Variants in RPSA2 observed in about 807,000 individuals in gnomAD.
RPSA2 encodes ribosomal protein SA 2.
At chr19:23,773,445 A>G in the RPSA2 span, among the ~76,000 whole-genome samples, 210 of 152,048 alleles carry the variant, frequency 1.4e-3, no homozygotes, top group Admixed American at 2.4e-3. Context: ...CACCATGCCC[A>G]GATAACTTTT....
the RPSA2 span, among the ~76,000 whole-genome samples, chr19:23,771,674 T>C: frequency 4.6e-5 from 7 of 152,160 alleles, no homozygotes; most frequent in African/African-American, 9.7e-5. Context: ...ATTGGACATA[T>C]CACTGTGAGT....
the RPSA2 span, among the ~76,000 whole-genome samples, chr19:23,856,502 AATC>A: frequency 2.0e-5 from 3 of 152,120 alleles, no homozygotes; most frequent in Non-Finnish European, 4.4e-5. Flanking sequence ...ACAACTCACC[AATC>A]ATCAGGGAGC....
the RPSA2 span, among the ~76,000 whole-genome samples, chr19:23,860,006 GA>G: frequency 2.6e-5 from 4 of 152,258 alleles, no homozygotes; most frequent in South Asian, 6.2e-4. Flanking sequence ...TTAAAAAAGG[GA>G]AAATGTATTC....
the RPSA2 span, among the ~76,000 whole-genome samples, chr19:23,839,777 A>G: frequency 6.6e-6 from 1 of 152,176 alleles, no homozygotes; most frequent in Non-Finnish European, 1.5e-5. Flanking sequence ...GCGAGCTCCC[A>G]GGGCCTCCCT....
At chr19:23,794,451 G>A in the RPSA2 span, among the ~76,000 whole-genome samples, 3 of 152,116 alleles carry the variant, frequency 2.0e-5, no homozygotes, top group Admixed American at 6.5e-5. Context: ...TTATTGATGA[G>A]CATTTTATTA....
chr19:23,761,670 C>T, the RPSA2 span, among the ~76,000 whole-genome samples: 2 of 151,902 alleles, frequency 1.3e-5, no homozygotes, highest in Non-Finnish European at 2.9e-5. Flanking sequence ...ATTTCCTCAC[C>T]CCTACCTCCA....
the RPSA2 span, among the ~76,000 whole-genome samples, chr19:23,862,788 A>G: frequency 6.6e-6 from 1 of 151,810 alleles, no homozygotes; most frequent in Non-Finnish European, 1.5e-5. Context: ...CTGGGGACAA[A>G]CTTAACAGTT....
chr19:23,847,254 A>C, the RPSA2 span, among the ~76,000 whole-genome samples: 1 of 146,666 alleles, frequency 6.8e-6, no homozygotes, highest in African/African-American at 2.5e-5. Flanking sequence ...CACATTTCTT[A>C]CTCATACTCT....
the RPSA2 span, chr19:23,819,403 A>C: frequency 2.6e-5 from 4 of 152,442 alleles, no homozygotes; most frequent in Admixed American, 2.6e-4. Context: ...TTGGGCTACC[A>C]GTTTCAGCCA....
At chr19:23,847,438 C>T in the RPSA2 span, among the ~76,000 whole-genome samples, 20 of 152,138 alleles carry the variant, frequency 1.3e-4, no homozygotes, top group Non-Finnish European at 2.1e-4. Context: ...GCTGGGCTGC[C>T]GGGGGTGACA....
chr19:23,782,347 TC>T, the RPSA2 span: 2 of 152,160 alleles, frequency 1.3e-5, no homozygotes, highest in South Asian at 2.1e-4. Context: ...TGATGTAACT[TC>T]TTTTGTTTTG....
the RPSA2 span, among the ~76,000 whole-genome samples, chr19:23,775,356 A>G: frequency 0.022 from 3,330 of 152,270 alleles, 131 homozygotes; most frequent in African/African-American, 0.076. Context: ...TTATAGGTAG[A>G]TGGCAACTCT....
the RPSA2 span, among the ~76,000 whole-genome samples, chr19:23,816,346 G>T: frequency 6.6e-6 from 1 of 152,048 alleles, no homozygotes; most frequent in East Asian, 1.9e-4. Context: ...ACACTGTCAA[G>T]GCTGTTCTCA....
chr19:23,870,910 C>A, the RPSA2 span, among the ~76,000 whole-genome samples: 1 of 152,188 alleles, frequency 6.6e-6, no homozygotes, highest in Non-Finnish European at 1.5e-5. Flanking sequence ...AAACTCACAT[C>A]TGCACCTGAC....
At chr19:23,826,511 T>A in the RPSA2 span, among the ~76,000 whole-genome samples, 1 of 152,034 alleles carries the variant, frequency 6.6e-6, no homozygotes, top group Non-Finnish European at 1.5e-5. Flanking sequence ...TTCTGTTTTA[T>A]AGCGTTTTGC....
chr19:23,837,530 G>C, the RPSA2 span, among the ~76,000 whole-genome samples: 558 of 152,152 alleles, frequency 3.7e-3, 4 homozygotes, highest in African/African-American at 0.013. Context: ...GGATTGTGTT[G>C]AATTTATTGA....
At chr19:23,803,157 C>CA in the RPSA2 span, among the ~76,000 whole-genome samples, 2 of 150,038 alleles carry the variant, frequency 1.3e-5, no homozygotes, top group Non-Finnish European at 3.0e-5. Flanking sequence ...CCCAGTGGCA[C>CA]AAAAAACAGA....
At chr19:23,857,596 T>G in the RPSA2 span, among the ~76,000 whole-genome samples, 1 of 149,564 alleles carries the variant, frequency 6.7e-6, no homozygotes, top group Non-Finnish European at 1.5e-5. Flanking sequence ...TTTGAAGAGA[T>G]TCTCCTGCCT....
the RPSA2 span, among the ~76,000 whole-genome samples, chr19:23,771,921 CTG>C: frequency 4.0e-5 from 6 of 151,726 alleles, no homozygotes; most frequent in Non-Finnish European, 7.4e-5. Context: ...TGATGTAATT[CTG>C]TTTTTCTGCC....
Sources: allele counts gnomAD v4.1 joint callset (sites outside exome capture counted in the v4.1 genomes callset), GRCh38; gene constraint gnomAD v4.1.1; transcripts MANE v1.5; gene names NCBI Gene and HGNC (gene_info 2026-07-23, HGNC 2026-07-21).